Variants in GATA5 observed in about 807,000 individuals in gnomAD.
The protein encoded by GATA5 is GATA binding protein 5.
Under a neutral mutation model 35.0 loss-of-function variants are expected in GATA5, and 27 were observed. The ratio of observed to expected loss-of-function variants is 0.77; its 90% CI spans 0.57 to 1.06. The LOEUF is 1.06. GATA5 is among the 50% of genes least tolerant of loss of function. The pLI, the probability that GATA5 is intolerant of heterozygous loss-of-function variation, is 0.00. For synonymous variants in GATA5, 306 were observed against 267.8 expected, an observed-to-expected ratio of 1.14 and a Z score of -1.39; for missense variants, 612 against 580.0, an observed-to-expected ratio of 1.06 and a Z score of -0.57.
intron 3 of GATA5, among the ~76,000 whole-genome samples, chr20:62,472,506 C>G (rs1419712677): frequency 6.6e-6 from 1 of 152,224 alleles, no homozygotes; most frequent in Admixed American, 6.5e-5. Flanking sequence ...TGATCGACCC[C>G]GCACGGAGTC....
intron 2 of GATA5, 53 bp from the exon 3 acceptor site, chr20:62,473,631 C>T: frequency 6.6e-7 from 1 of 1,525,250 alleles, no homozygotes; most frequent in East Asian, 2.4e-5. Context: ...CAGGATCCTC[C>T]CCAGCTCATG....
rs1409036635 is a variant in GATA5, at chr20:62,470,317, AG to A, written c.699+3085del. Among the ~76,000 whole-genome samples, 1 of 152,248 alleles carries A rather than the reference AG, an allele frequency of 6.6e-6. No homozygotes were observed. The highest frequency in any genetic ancestry group is 1.5e-5 in the Non-Finnish European group (1 of 68,040). On this transcript the variant is annotated intron_variant, in intron 3 of 6. Coordinates refer to ENST00000252997, the MANE Select transcript of GATA5 (RefSeq NM_080473.5). The surrounding 1 kb of genome is among the most constrained non-coding windows in gnomAD (Gnocchi z 4.6). ...AAAGGTGCAGGTCACAGTGACCCGCAGTGCAGCAGCCTCCTCTGAGATGGAA... is the reference window on the plus strand; with the variant it reads ...AAAGGTGCAGGTCACAGTGACCCGCATGCAGCAGCCTCCTCTGAGATGGAA...
chr20:62,468,042 C>G (rs2146482932), intron 3 of GATA5, among the ~76,000 whole-genome samples: 2 of 141,124 alleles, frequency 1.4e-5, no homozygotes, highest in Middle Eastern at 3.8e-3. Context: ...TTACAGCCCT[C>G]TATGAGCAGA....
chr20:62,475,349 AGCTCGGGGGGCTGCGG>A lies in GATA5; in HGVS notation c.157_172del (p.Pro53SerfsTer89), dbSNP rs1389071591. 8.0e-7 allele frequency: 1 copy of A among 1,256,558 alleles called. No individual in the cohort carries two copies. The highest frequency in any genetic ancestry group is 1.0e-6 in the Non-Finnish European group (1 of 999,676). 77.8% of individuals were successfully genotyped at this position (1,256,558 alleles called of 1,614,324 possible). A position where few individuals can be genotyped will look rare whatever the true frequency, so the allele number is the denominator to read the frequency against. On this transcript the variant is annotated frameshift_variant, in exon 2 of 7. Transcript: ENST00000252997. LOFTEE classifies it high-confidence loss of function. ...CTGCGCCCAGCCGGGGCGCGCAGCG[AGCTCGGGGGGCTGCGG>A]GCTCGGCTCACACCCGGACAGGTAG... is the stretch of plus-strand genomic sequence containing the variant.
Position 62,466,483 on chromosome 20 carries a change from C to T in GATA5, c.768G>A (p.Arg256=). 6.3e-7 allele frequency: 1 copy of T among 1,577,328 alleles called. No individual in the cohort carries two copies. Among genetic ancestry groups the T allele is most frequent in the East Asian group, 2.3e-5 (1 of 42,744 alleles). Residue 256 remains arginine, a synonymous_variant, in exon 4 of 7, where the codon CGG becomes CGA. Transcript: ENST00000252997. ...TGCACACGGGCTCCCCCTCCGAGTT[C>T]CGCCGCCACAGCGTGGTGTTGGTCG... The part of the protein sequence containing the change: ...CHTTNTTLWR[R]NSEGEPVCNA...
At chr20:62,466,642 C>G (rs1028555168) in intron 3 of GATA5, 91 bp from the exon 4 acceptor site, 6 of 1,415,934 alleles carry the variant, frequency 4.2e-6, no homozygotes, top group Non-Finnish European at 5.7e-6. Flanking sequence ...GGCCTTGCGG[C>G]CACGCAGGAC....
At chr20:62,474,938 C>A in intron 2 of GATA5, 61 bp downstream of exon 2, 6 of 1,241,574 alleles carry the variant, frequency 4.8e-6, no homozygotes, top group South Asian at 2.8e-5. Flanking sequence ...TCGCAGGGTG[C>A]GGGTTTGCAC....
rs114909499 is a variant in GATA5 at position 62,467,672 on chromosome 20, G to A, written c.700-1121C>T. 8.4e-3 allele frequency among the ~76,000 whole-genome samples: 1,282 copies of A among 152,310 alleles called. 8 individuals carry two copies. Among genetic ancestry groups the A allele is most frequent in the African/African-American group, 0.029 (1,206 of 41,554 alleles). On this transcript the variant is annotated intron_variant, in intron 3 of 6. Coordinates refer to ENST00000252997, the MANE Select transcript of GATA5 (RefSeq NM_080473.5). ...AGGAGCTCTCTCCTGCCCTCCCGGC[G>A]GCAGCCAGGGCCAGACCATCAGTGT...
chr20:62,465,066 TAGGTC>T, intron 6 of GATA5, 75 bp from the exon 7 acceptor site: 1 of 1,101,008 alleles, frequency 9.1e-7, no homozygotes, highest in Non-Finnish European at 1.3e-6. Flanking sequence ...TGCAGCCTCT[TAGGTC>T]AGGAGCTCCC....
chr20:62,465,939 G>T lies in GATA5; in HGVS notation c.826-18C>A, dbSNP rs1555896052. 2.6e-6 allele frequency: 4 copies of T among 1,546,054 alleles called. No individual in the cohort carries two copies. The highest frequency in any genetic ancestry group is 3.5e-6 in the Non-Finnish European group (4 of 1,138,706). Reference sequence around the variant, plus strand: ...CGCGGCACCTGGCAGGGGTGGCGAGGGTGGAGGCTGGTCCCATCCCTGCTC... The same window carrying T: ...CGCGGCACCTGGCAGGGGTGGCGAGTGTGGAGGCTGGTCCCATCCCTGCTC... On this transcript the variant is annotated intron_variant, in intron 4 of 6. Coordinates refer to ENST00000252997, the MANE Select transcript of GATA5 (RefSeq NM_080473.5).
At position 62,464,959 on chromosome 20, in the gene GATA5, G is replaced by A. The variant is rs556416810; in HGVS notation, c.1071C>T (p.Pro357=). The A allele has an allele frequency of 8.6e-5, 139 of 1,609,478 alleles. No homozygotes were observed. The highest frequency in any genetic ancestry group is 4.2e-4 in the South Asian group (38 of 90,744). ...GCTCGAACTTGAACTCCAAGTGGCC[G>A]GGGGCAAGAGAGTCATCCTCCTGGC... The part of the protein sequence containing the change: ...ASGQEDDSLA[P]GHLEFKFEPE... Residue 357 remains proline (P), a synonymous_variant, in exon 7 of 7, where the codon CCC becomes CCT. Transcript: ENST00000252997.
At position 62,465,830 on chromosome 20, in the gene GATA5, G is replaced by C. The variant is rs782687806; in HGVS notation, c.913+4C>G. ...GGGGCTGACTGCAGGGCCTGGCCAC[G>C]CACCTGAGGAGCCCCTGGCCTTGGC... is the stretch of plus-strand genomic sequence containing the variant. On this transcript the variant is annotated splice_donor_region_variant and intron_variant, in intron 5 of 6. Coordinates refer to ENST00000252997, the MANE Select transcript of GATA5 (RefSeq NM_080473.5). The C allele has an allele frequency of 1.7e-5, 27 of 1,578,698 alleles. No homozygotes were observed. The highest frequency in any genetic ancestry group is 2.2e-5 in the Non-Finnish European group (26 of 1,161,296).
At chr20:62,474,175 G>GC (rs1989792791) in intron 2 of GATA5, among the ~76,000 whole-genome samples, 1 of 152,240 alleles carries the variant, frequency 6.6e-6, no homozygotes, top group African/African-American at 2.4e-5. Context: ...CCGCCTCACA[G>GC]CCCCCTGGGG....
chr20:62,465,116 C>A (rs1390945365), intron 6 of GATA5, 125 bp from the exon 7 acceptor site: 2 of 932,528 alleles, frequency 2.1e-6, no homozygotes, highest in Non-Finnish European at 3.2e-6. Flanking sequence ...CCCCCTGATG[C>A]CCTGGAATGG....
intron 3 of GATA5, among the ~76,000 whole-genome samples, chr20:62,472,077 C>T (rs1286105119): frequency 2.6e-5 from 4 of 152,078 alleles, no homozygotes; most frequent in Non-Finnish European, 5.9e-5. Context: ...GTGGTTAACC[C>T]CTCAGTGAGG....
chr20:62,466,290 C>T, intron 4 of GATA5, 136 bp downstream of exon 4: 1 of 1,036,514 alleles, frequency 9.6e-7, no homozygotes, highest in Non-Finnish European at 1.4e-6. Flanking sequence ...CCGGCCGGGA[C>T]ATGTGTGTAC....
At chr20:62,474,735 G>T (rs1321814717) in intron 2 of GATA5, among the ~76,000 whole-genome samples, 2 of 152,236 alleles carry the variant, frequency 1.3e-5, no homozygotes, top group East Asian at 3.8e-4. Context: ...TAAGACTTTT[G>T]AGGCTCCACA....
At chr20:62,468,836 G>A (rs1555896316) in intron 3 of GATA5, among the ~76,000 whole-genome samples, 1 of 152,254 alleles carries the variant, frequency 6.6e-6, no homozygotes, top group Non-Finnish European at 1.5e-5. Flanking sequence ...AGAGCTGGGA[G>A]GGAGATGGTG....
chr20:62,474,762 T>A (rs1989810651), intron 2 of GATA5, among the ~76,000 whole-genome samples: 1 of 152,260 alleles, frequency 6.6e-6, no homozygotes, highest in African/African-American at 2.4e-5. Flanking sequence ...CAATCCGGAA[T>A]GCTGTTTGGA....
Sources: gnomAD v4.1 joint callset for allele counts (sites outside exome capture counted in the v4.1 genomes callset) on GRCh38, gnomAD v4.1.1 for gene constraint, Gnocchi (gnomAD v3.1) non-coding constraint, MANE v1.5 for transcripts, NCBI Gene and HGNC (gene_info 2026-07-23, HGNC 2026-07-21) for gene names.